Variants in PTPRE observed in about 807,000 individuals in gnomAD.
PTPRE encodes the protein receptor-type tyrosine-protein phosphatase epsilon.
In PTPRE, 51 loss-of-function variants were observed where a neutral mutation model predicts 102.0. That is an observed-to-expected ratio of 0.50 (90% CI 0.40 to 0.63). PTPRE has a LOEUF of 0.63. Ranked by LOEUF, PTPRE falls within the 30% of genes least tolerant of loss-of-function variation. The pLI, the probability that PTPRE is intolerant of heterozygous loss-of-function variation, is 0.00. For synonymous variants in PTPRE, 345 were observed against 348.2 expected (o/e 0.99, Z 0.10); for missense variants, 752 against 915.1 (o/e 0.82, Z 2.30).
intron 11 of PTPRE, among the ~76,000 whole-genome samples, chr10:128,067,224 A>G (rs976105422): frequency 7.2e-6 from 1 of 137,994 alleles, no homozygotes; most frequent in Non-Finnish European, 1.6e-5. Context: ...ATTCACATGC[A>G]CACACATGCA....
chr10:128,054,028 G>A (rs774123287), intron 6 of PTPRE, among the ~76,000 whole-genome samples: 3 of 152,142 alleles, frequency 2.0e-5, no homozygotes, highest in Non-Finnish European at 2.9e-5. Flanking sequence ...CCAAAGTGCT[G>A]GGATTACAGG....
intron 2 of PTPRE, among the ~76,000 whole-genome samples, chr10:128,021,964 G>A (rs1845923182): frequency 6.6e-6 from 1 of 152,224 alleles, no homozygotes; most frequent in African/African-American, 2.4e-5. Flanking sequence ...CCTAGAGTAT[G>A]CATTCAATTA....
intron 1 of PTPRE, among the ~76,000 whole-genome samples, chr10:127,939,708 G>C (rs755748007): frequency 6.6e-6 from 1 of 152,208 alleles, no homozygotes; most frequent in South Asian, 2.1e-4. Context: ...GCCCAGCAGG[G>C]GCAGGGCCAA....
rs1052664295 is a variant in PTPRE at position 128,029,020 on chromosome 10, G to T, written c.-7-11855G>T. On this transcript the variant is annotated intron_variant, in intron 2 of 20. Coordinates refer to ENST00000254667, the MANE Select transcript of PTPRE (RefSeq NM_006504.6). Reference sequence around the variant, plus strand: ...TTTGCCCCACATGCCCCGTCCTGTGGTTATTTACCTTATGGGGGCATCCTC... The same window carrying T: ...TTTGCCCCACATGCCCCGTCCTGTGTTTATTTACCTTATGGGGGCATCCTC... Among the ~76,000 whole-genome samples, 21 of 152,348 alleles carry T rather than the reference G, an allele frequency of 1.4e-4. No homozygotes were observed. The East Asian group carries it at 4.1e-3, about 29-fold the overall frequency.
At chr10:127,977,866 G>A (rs940019170) in intron 1 of PTPRE, among the ~76,000 whole-genome samples, 1 of 152,168 alleles carries the variant, frequency 6.6e-6, no homozygotes, top group African/African-American at 2.4e-5. Flanking sequence ...CCAGGGCCTT[G>A]TCGGGCTCCC....
At chr10:128,047,519 C>T in intron 4 of PTPRE, 30 bp downstream of exon 4, 1 of 1,612,832 alleles carries the variant, frequency 6.2e-7, no homozygotes, top group East Asian at 2.2e-5. Context: ...CTGACTTGCC[C>T]CAACCAGCTC....
intron 2 of PTPRE, among the ~76,000 whole-genome samples, chr10:128,013,631 G>T (rs1376091554): frequency 6.6e-6 from 1 of 152,152 alleles, no homozygotes. Context: ...AGGTGATTAG[G>T]TCATGAAGGT....
intron 1 of PTPRE, among the ~76,000 whole-genome samples, chr10:127,977,802 C>A (rs1218315897): frequency 6.6e-6 from 1 of 152,316 alleles, no homozygotes; most frequent in African/African-American, 2.4e-5. Flanking sequence ...TGCCCCTGCC[C>A]CCCTTCCTAA....
At chr10:127,925,177 C>T (rs1846914266) in intron 1 of PTPRE, among the ~76,000 whole-genome samples, 1 of 152,208 alleles carries the variant, frequency 6.6e-6, no homozygotes. Context: ...CCAGATGGAC[C>T]TATCCACAGG....
At chr10:128,000,134 C>A (rs779775024) in intron 2 of PTPRE, among the ~76,000 whole-genome samples, 1 of 152,160 alleles carries the variant, frequency 6.6e-6, no homozygotes, top group Non-Finnish European at 1.5e-5. Context: ...TATTCCTTGT[C>A]AACTCTGCTT....
At chr10:128,006,738 C>T (rs553260561) in intron 2 of PTPRE, among the ~76,000 whole-genome samples, 12 of 152,174 alleles carry the variant, frequency 7.9e-5, no homozygotes, top group South Asian at 4.2e-4. Context: ...AAACATAGTC[C>T]GGGTGAATGA....
chr10:128,025,567 T>A (rs1846233503), intron 2 of PTPRE, among the ~76,000 whole-genome samples: 1 of 152,182 alleles, frequency 6.6e-6, no homozygotes, highest in African/African-American at 2.4e-5. Flanking sequence ...CCGGACCCTG[T>A]GCCCCCATCC....
At chr10:128,005,714 C>A (rs752057110) in intron 2 of PTPRE, among the ~76,000 whole-genome samples, 1 of 152,166 alleles carries the variant, frequency 6.6e-6, no homozygotes, top group East Asian at 1.9e-4. Flanking sequence ...AGAGGGAGGA[C>A]GCTGGGCAGG....
At position 127,961,510 on chromosome 10, in the gene PTPRE, G is replaced by T. The variant is rs1891816; in HGVS notation, c.-30-20764G>T. Among the ~76,000 whole-genome samples the T allele has an allele frequency of 3.5e-4, 53 of 152,284 alleles. 1 individual carries two copies. Among genetic ancestry groups the T allele is most frequent in the South Asian group, 1.2e-3 (6 of 4,822 alleles). On this transcript the variant is annotated intron_variant, in intron 1 of 20. Transcript: ENST00000254667. ...CAGGACAGGGAAGGAGGGCCCCCAG[G>T]AGGCCCCTGGGGTGGCCTGGAACTT... is the stretch of plus-strand genomic sequence containing the variant.
chr10:128,042,301 A>G (rs529416845), intron 3 of PTPRE, among the ~76,000 whole-genome samples: 1 of 152,336 alleles, frequency 6.6e-6, no homozygotes, highest in East Asian at 1.9e-4. Flanking sequence ...CGAGCTCTGC[A>G]GACAGTCCCT....
intron 1 of PTPRE, among the ~76,000 whole-genome samples, chr10:127,923,260 C>T (rs1846740407): frequency 2.6e-5 from 4 of 152,180 alleles, no homozygotes; most frequent in Admixed American, 2.6e-4. Flanking sequence ...GCAGGCTTCC[C>T]AGAAGCAGAC....
At chr10:127,926,952 C>CG in intron 1 of PTPRE, among the ~76,000 whole-genome samples, 2 of 151,690 alleles carry the variant, frequency 1.3e-5, no homozygotes, top group African/African-American at 4.8e-5. Context: ...GCTGGGATTA[C>CG]AGGTGTGCAC....
intron 2 of PTPRE, among the ~76,000 whole-genome samples, chr10:128,029,953 A>G (rs1846593568): frequency 6.6e-6 from 1 of 152,218 alleles, no homozygotes; most frequent in East Asian, 1.9e-4. Flanking sequence ...GGGACAGGAC[A>G]CTTATCTCCA....
intron 2 of PTPRE, among the ~76,000 whole-genome samples, chr10:127,983,963 G>A (rs1163765726): frequency 1.3e-5 from 2 of 152,154 alleles, no homozygotes; most frequent in African/African-American, 4.8e-5. Flanking sequence ...GTGTGTGCAG[G>A]AGCTGACTTC....
Sources: gnomAD v4.1 joint callset for allele counts (sites outside exome capture counted in the v4.1 genomes callset) on GRCh38, gnomAD v4.1.1 for gene constraint, MANE v1.5 for transcripts, NCBI Gene and HGNC (gene_info 2026-07-23, HGNC 2026-07-21) for gene names.